Variants in MEGF6 observed in about 807,000 individuals in gnomAD.
MEGF6 encodes the protein multiple EGF like domains 6.
Under a neutral mutation model 207.1 loss-of-function variants are expected in MEGF6, and 184 were observed. That is an observed-to-expected ratio of 0.89 (90% CI 0.79 to 1.00). The LOEUF is 1.00. MEGF6 is among the 50% of genes least tolerant of loss of function. MEGF6 has a pLI of 0.00. For missense variants in MEGF6, 2,282 were observed against 2,202.9 expected (o/e 1.04, Z -0.72); for synonymous variants, 1,038 against 910.0 (o/e 1.14, Z -2.53).
At chr1:3,531,178 C>T (rs1642151412) in intron 4 of MEGF6, 3 of 1,522,090 alleles carry the variant, frequency 2.0e-6, no homozygotes, top group African/African-American at 1.4e-5. Context: ...GCCCGCGACG[C>T]GCGCCAGGCC....
chr1:3,507,870 T>C lies in MEGF6; in HGVS notation c.1714A>G (p.Asn572Asp). The change falls in exon 14 of 37, where the codon AAT becomes GAT. Residue 572 changes from asparagine to aspartate, a missense_variant. Coordinates refer to ENST00000356575, the MANE Select transcript of MEGF6 (RefSeq NM_001409.4). Reference protein sequence around the residue: ...KNCSFSCSCQNGGTCDSVTGA... With the variant: ...KNCSFSCSCQDGGTCDSVTGA... ...GTGACAGAGTCGCAGGTCCCACCAT[T>C]CTGACAGCTGCAGGAGAAGCTGCAG... The C allele has an allele frequency of 6.2e-7, 1 of 1,612,754 alleles. No homozygotes were observed. The highest frequency in any genetic ancestry group is 8.5e-7 in the Non-Finnish European group (1 of 1,179,960).
At chr1:3,618,751 A>T in the MEGF6 span, among the ~76,000 whole-genome samples, 5 of 152,070 alleles carry the variant, frequency 3.3e-5, no homozygotes, top group Non-Finnish European at 5.9e-5. This position sits in a 1 kb window ranked among gnomAD's most constrained non-coding sequence, Gnocchi z 4.7. Flanking sequence ...CAGCCCTGGG[A>T]CCCGCCAAGC....
intron 4 of MEGF6, among the ~76,000 whole-genome samples, chr1:3,572,863 T>C (rs955584861): frequency 3.7e-5 from 5 of 135,916 alleles, no homozygotes; most frequent in African/African-American, 8.5e-5. Context: ...GTGTGCTGGG[T>C]TCTCCTGGGT....
chr1:3,536,531 A>G (rs1214633826), intron 4 of MEGF6, among the ~76,000 whole-genome samples: 1 of 152,140 alleles, frequency 6.6e-6, no homozygotes. Context: ...AGCGCCTCCC[A>G]GGCCCAGGCT....
intron 3 of MEGF6, among the ~76,000 whole-genome samples, chr1:3,588,086 CCAGGAGGGGG>C (rs1368598524): frequency 4.0e-3 from 2 of 498 alleles, no homozygotes; most frequent in Admixed American, 0.018. Flanking sequence ...CCAGGAGTGG[CCAGGAGGGGG>C]CAGGAGTGGC....
At chr1:3,606,816 G>A (rs1003195257) in intron 1 of MEGF6, among the ~76,000 whole-genome samples, 1 of 152,212 alleles carries the variant, frequency 6.6e-6, no homozygotes, top group African/African-American at 2.4e-5. Flanking sequence ...TGATCCCTGA[G>A]CTTCTGGGCT....
chr1:3,618,895 C>T, the MEGF6 span, among the ~76,000 whole-genome samples: 1 of 152,226 alleles, frequency 6.6e-6, no homozygotes, highest in South Asian at 2.1e-4. This position sits in a 1 kb window ranked among gnomAD's most constrained non-coding sequence, Gnocchi z 4.7. Context: ...GCACACTGAC[C>T]TCCAACCTGG....
chr1:3,539,410 C>A (rs1039805565), intron 4 of MEGF6, among the ~76,000 whole-genome samples: 2 of 152,052 alleles, frequency 1.3e-5, no homozygotes, highest in African/African-American at 4.8e-5. Context: ...CTCAGCGGGT[C>A]TCTCCTTCCT....
chr1:3,578,232 C>T (rs1301202430), intron 4 of MEGF6, among the ~76,000 whole-genome samples: 1 of 152,236 alleles, frequency 6.6e-6, no homozygotes, highest in Non-Finnish European at 1.5e-5. Flanking sequence ...CCGGAAACCT[C>T]CCCAGCCTGC....
At chr1:3,506,995 C>T (rs1470947051) in intron 14 of MEGF6, among the ~76,000 whole-genome samples, 3 of 152,182 alleles carry the variant, frequency 2.0e-5, no homozygotes, top group Non-Finnish European at 2.9e-5. Flanking sequence ...GGGTGCAGCA[C>T]CCAGGAATGA....
intron 1 of MEGF6, among the ~76,000 whole-genome samples, chr1:3,603,190 C>T (rs761395111): frequency 2.0e-5 from 3 of 152,234 alleles, no homozygotes; most frequent in Non-Finnish European, 4.4e-5. Flanking sequence ...AAGGCCTCTC[C>T]AGCCCAGAGG....
chr1:3,546,019 A>G (rs1642692985), intron 4 of MEGF6, among the ~76,000 whole-genome samples: 1 of 152,152 alleles, frequency 6.6e-6, no homozygotes, highest in African/African-American at 2.4e-5. Flanking sequence ...CTGGGAGATG[A>G]TGACAGTAAG....
At chr1:3,516,013 T>C (rs868210386) in intron 5 of MEGF6, among the ~76,000 whole-genome samples, 30 of 152,314 alleles carry the variant, frequency 2.0e-4, no homozygotes, top group African/African-American at 7.2e-4. Flanking sequence ...GATGTGGGGA[T>C]GCCGTGGACA....
intron 3 of MEGF6, among the ~76,000 whole-genome samples, chr1:3,582,107 T>C (rs7536401): frequency 0.23 from 35,039 of 152,160 alleles, 4,594 homozygotes; most frequent in East Asian, 0.38. Flanking sequence ...CTACCACAGA[T>C]GCACCCAGCA....
intron 5 of MEGF6, among the ~76,000 whole-genome samples, 175 bp from the exon 6 acceptor site, chr1:3,515,702 C>A (rs994158364): frequency 2.6e-5 from 4 of 152,242 alleles, no homozygotes; most frequent in Admixed American, 6.5e-5. Context: ...TGCTCCCTGC[C>A]CGGCTCACAG....
intron 3 of MEGF6, among the ~76,000 whole-genome samples, chr1:3,591,729 C>CTGGAGGGAACTGAGCCCAGTACTGAGCCA (rs1643981993): frequency 6.8e-6 from 1 of 146,782 alleles, no homozygotes; most frequent in Admixed American, 6.7e-5. Context: ...CACAAGGGAC[C>CTGGAGGGAACTGAGCCCAGTACTGAGCCA]CGATGGGGGC....
intron 2 of MEGF6, 49 bp from the exon 3 acceptor site, chr1:3,595,496 T>C (rs1432015200): frequency 2.0e-6 from 3 of 1,502,914 alleles, no homozygotes; most frequent in South Asian, 1.1e-5. Flanking sequence ...GGACTGGCTG[T>C]ATTCGGCTCT....
At chr1:3,516,514 G>A (rs1179656451) in intron 5 of MEGF6, among the ~76,000 whole-genome samples, 1 of 152,234 alleles carries the variant, frequency 6.6e-6, no homozygotes, top group African/African-American at 2.4e-5. Flanking sequence ...TCAGAGTGGG[G>A]AGGCTTCTTT....
rs1557717949 is a variant in MEGF6 at position 3,498,457 on chromosome 1, C to T, written c.3266G>A (p.Gly1089Asp). 1.4e-5 allele frequency: 22 copies of T among 1,583,146 alleles called. No homozygotes were observed. Among genetic ancestry groups the T allele is most frequent in the Non-Finnish European group, 1.5e-5 (17 of 1,167,374 alleles). Residue 1089 changes from glycine to aspartate, a missense_variant, in exon 26 of 37, where the codon GGC (glycine) becomes GAC (aspartate). Transcript: ENST00000356575. ...ACACAGGCCCCCGTTGAGGCAACCGCCGCTGTGCCGGCAGCCAGCTCTGAC... is the reference window on the plus strand; with the variant it reads ...ACACAGGCCCCCGTTGAGGCAACCGTCGCTGTGCCGGCAGCCAGCTCTGAC... ...RDVRAGCRHS[G>D]GCLNGGLCDP... is the part of the protein sequence containing the mutation.
Sources: allele counts gnomAD v4.1 joint callset (sites outside exome capture counted in the v4.1 genomes callset), GRCh38; gene constraint gnomAD v4.1.1; non-coding constraint Gnocchi (gnomAD v3.1); transcripts MANE v1.5; gene names NCBI Gene and HGNC (gene_info 2026-07-23, HGNC 2026-07-21).